The following PCDHGB2 variants were observed in gnomAD, a reference collection of about 807,000 sequenced individuals.
PCDHGB2 encodes protocadherin gamma subfamily B, 2, also known as protocadherin gamma-B2.
Under a neutral mutation model 59.3 loss-of-function variants are expected in PCDHGB2, and 55 were observed. The ratio of observed to expected loss-of-function variants is 0.93; its 90% CI spans 0.75 to 1.16. The LOEUF is 1.16. Ranked by LOEUF, PCDHGB2 falls within the 50% of genes most tolerant of loss-of-function variation. The pLI is 0.00. For missense variants in PCDHGB2, 1,228 were observed against 1,198.5 expected, an observed-to-expected ratio of 1.02 and a Z score of -0.36; for synonymous variants, 516 against 512.0, an observed-to-expected ratio of 1.01 and a Z score of -0.11.
intron 1 of PCDHGB2, among the ~76,000 whole-genome samples, chr5:141,407,809 T>C (rs2094984510): frequency 6.6e-6 from 1 of 152,228 alleles, no homozygotes; most frequent in South Asian, 2.1e-4. Flanking sequence ...TAGAAATATC[T>C]ACTATAATAT....
Position 141,362,337 on chromosome 5 carries a change from G to A in PCDHGB2, c.2202G>A (p.Lys734=), listed in dbSNP as rs1427946094. The A allele has an allele frequency of 1.2e-6, 2 of 1,614,084 alleles. No homozygotes were observed. Among genetic ancestry groups the A allele is most frequent in the East Asian group, 2.2e-5 (1 of 44,890 alleles). The part of the protein sequence containing the change: ...WDCFQPGLSS[K]PGPGVLPNYS... ...GTTTTCAGCCTGGTCTCAGCTCCAA[G>A]CCTGGACCTGGGGTTCTCCCCAATT... Residue 734 remains lysine (K), a synonymous_variant, in exon 1 of 4, where the codon AAG becomes AAA. Coordinates refer to ENST00000522605, the MANE Select transcript of PCDHGB2 (RefSeq NM_018923.3).
Position 141,415,384 on chromosome 5 carries a change from A to G in PCDHGB2, c.2421+52828A>G, listed in dbSNP as rs767664633. ...GCTGCAGGCTTCAGGAGGCGGCTTG[A>G]CAGGTGTGTCCGGCTCGCACTTTGT... On this transcript the variant is annotated intron_variant, in intron 1 of 3. Coordinates refer to ENST00000522605, the MANE Select transcript of PCDHGB2 (RefSeq NM_018923.3). 9.3e-6 allele frequency: 15 copies of G among 1,614,156 alleles called. No homozygotes were observed. The East Asian group carries it at 2.2e-4, about 24-fold the overall frequency.
intron 1 of PCDHGB2, chr5:141,416,916 T>A (rs751743318): frequency 5.5e-4 from 83 of 152,132 alleles, no homozygotes; most frequent in Non-Finnish European, 8.5e-4. Flanking sequence ...CTCTTTAGGG[T>A]CATAGTTATT....
intron 1 of PCDHGB2, chr5:141,403,178 T>C (rs1294905670): frequency 6.2e-7 from 1 of 1,613,980 alleles, no homozygotes; most frequent in Middle Eastern, 1.7e-4. Flanking sequence ...GCAGCTTTTC[T>C]CTCTGAACCC....
intron 2 of PCDHGB2, among the ~76,000 whole-genome samples, chr5:141,501,015 C>T (rs950216755): frequency 6.6e-5 from 10 of 151,866 alleles, no homozygotes; most frequent in African/African-American, 2.4e-4. Context: ...ACTACAGGCA[C>T]GCGCCACCAC....
rs764067454 is a variant in PCDHGB2 at position 141,413,998 on chromosome 5, G to C, written c.2421+51442G>C. On this transcript the variant is annotated intron_variant, in intron 1 of 3. Coordinates refer to ENST00000522605, the MANE Select transcript of PCDHGB2 (RefSeq NM_018923.3). Reference sequence around the variant, plus strand: ...GACAGTCACAGCCACCGACAGGGACGAAGGTGCCAATGGAGAAGTGACATA... The same window carrying C: ...GACAGTCACAGCCACCGACAGGGACCAAGGTGCCAATGGAGAAGTGACATA... 29 of 1,613,320 alleles carry C rather than the reference G, an allele frequency of 1.8e-5. No individual in the cohort carries two copies. The Admixed American group carries it at 4.8e-4, about 27-fold the overall frequency.
intron 1 of PCDHGB2, among the ~76,000 whole-genome samples, chr5:141,457,594 TA>T (rs1239366532): frequency 6.6e-6 from 1 of 152,250 alleles, no homozygotes; most frequent in Non-Finnish European, 1.5e-5. Flanking sequence ...TCATTTTTGG[TA>T]AAAACTAATT....
intron 1 of PCDHGB2, chr5:141,389,283 GC>G (rs775524674): frequency 6.2e-7 from 1 of 1,614,022 alleles, no homozygotes; most frequent in South Asian, 1.1e-5. Context: ...CCCGCCTGGA[GC>G]CTCTATTTCA....
At position 141,489,888 on chromosome 5, in the gene PCDHGB2, T is replaced by TG. The variant is rs759744295; in HGVS notation, c.2422-4913dup. On this transcript the variant is annotated intron_variant, in intron 1 of 3. Coordinates refer to ENST00000522605, the MANE Select transcript of PCDHGB2 (RefSeq NM_018923.3). The surrounding 1 kb of genome is among the most constrained non-coding windows in gnomAD (Gnocchi z 4.5). ...ATCAGCTGGTGCTTACTGCTGTGGATGGGGGGACCCCAGCCCGCTCAGGGA... is the reference window on the plus strand; with the variant it reads ...ATCAGCTGGTGCTTACTGCTGTGGATGGGGGGGACCCCAGCCCGCTCAGGGA... 6.4e-5 allele frequency: 103 copies of TG among 1,614,088 alleles called. No individual in the cohort carries two copies. Among genetic ancestry groups the TG allele is most frequent in the Non-Finnish European group, 8.6e-5 (101 of 1,180,048 alleles).
intron 1 of PCDHGB2, chr5:141,371,497 T>C: frequency 1.2e-6 from 2 of 1,613,908 alleles, no homozygotes; most frequent in South Asian, 2.2e-5. Context: ...GCCGTTGCCC[T>C]GATCAAAACA....
intron 1 of PCDHGB2, among the ~76,000 whole-genome samples, chr5:141,475,035 G>T (rs983190948): frequency 2.0e-5 from 3 of 152,132 alleles, no homozygotes. Context: ...GTGACTAAAG[G>T]CTTTGTATTT....
Position 141,431,583 on chromosome 5 carries a change from C to A in PCDHGB2, c.2422-63224C>A, listed in dbSNP as rs771534481. On this transcript the variant is annotated intron_variant, in intron 1 of 3. Transcript: ENST00000522605. The surrounding 1 kb of genome is among the most constrained non-coding windows in gnomAD (Gnocchi z 4.8). ...ACCGACCCTGACGAAGGAGTCAATGCGGAAGTGAGGTATTCCTTCCGGTAT... is the reference window on the plus strand; with the variant it reads ...ACCGACCCTGACGAAGGAGTCAATGAGGAAGTGAGGTATTCCTTCCGGTAT... The A allele has an allele frequency of 1.1e-5, 18 of 1,614,008 alleles. No individual in the cohort carries two copies. In the South Asian group the frequency reaches 1.2e-4, roughly 11 times the overall value.
chr5:141,390,429 T>C lies in PCDHGB2; in HGVS notation c.2421+27873T>C, dbSNP rs2092145009. On this transcript the variant is annotated intron_variant, in intron 1 of 3. Transcript: ENST00000522605. ...GTTGTAGTCAGTTAAAAAGCTGTCA[T>C]ATCATTCTACAAAGGAGGAGTAAAG... The C allele has an allele frequency of 6.0e-6, 6 of 1,008,304 alleles. No homozygotes were observed. The South Asian group carries it at 6.8e-5, about 11-fold the overall frequency. The allele number at this position is 1,008,304 out of a possible 1,614,324, so 62.5% of individuals were successfully genotyped here. A position where few individuals can be genotyped will look rare whatever the true frequency, so the allele number is the denominator to read the frequency against.
chr5:141,393,939 T>C (rs1488586975), intron 1 of PCDHGB2: 2 of 1,613,856 alleles, frequency 1.2e-6, no homozygotes, highest in Non-Finnish European at 8.5e-7. Context: ...TGACCAAGAC[T>C]CTGGAAAGAA....
chr5:141,414,227 T>C (rs771676386), intron 1 of PCDHGB2: 2 of 1,613,430 alleles, frequency 1.2e-6, no homozygotes, highest in Non-Finnish European at 1.7e-6. Flanking sequence ...AGTCCAGAGC[T>C]GACCATCACG....
intron 2 of PCDHGB2, 70 bp downstream of exon 2, chr5:141,494,935 G>T (rs1456805368): frequency 2.5e-6 from 4 of 1,612,364 alleles, no homozygotes; most frequent in African/African-American, 1.3e-5. Context: ...GGGAGGAGAT[G>T]GGGGAGGGCC....
At chr5:141,501,146 T>C (rs2299023) in intron 2 of PCDHGB2, among the ~76,000 whole-genome samples, 88,663 of 152,012 alleles carry the variant, frequency 0.58, 27,355 homozygotes, top group African/African-American at 0.78. Context: ...GGATTACAGG[T>C]GGGAGCCACC....
Position 141,410,082 on chromosome 5 carries a change from G to A in PCDHGB2, c.2421+47526G>A, listed in dbSNP as rs780485949. 1.6e-5 allele frequency: 25 copies of A among 1,612,386 alleles called. No individual in the cohort carries two copies. The Admixed American group carries it at 3.8e-4, about 25-fold the overall frequency. On this transcript the variant is annotated intron_variant, in intron 1 of 3. Transcript: ENST00000522605. ...CTGGGGCTGCGCACTGGGGAGGTGC[G>A]CACGGCTCGAGCCTTAGGCGACAGG... is the stretch of plus-strand genomic sequence containing the variant.
chr5:141,370,383 G>T, intron 1 of PCDHGB2: 2 of 1,533,714 alleles, frequency 1.3e-6, no homozygotes, highest in African/African-American at 1.4e-5. Flanking sequence ...AGGCAAAGGC[G>T]CAGAGAGCGG....
Sources: gnomAD v4.1 joint callset for allele counts (sites outside exome capture counted in the v4.1 genomes callset) on GRCh38, gnomAD v4.1.1 for gene constraint, Gnocchi (gnomAD v3.1) non-coding constraint, MANE v1.5 for transcripts, NCBI Gene and HGNC (gene_info 2026-07-23, HGNC 2026-07-21) for gene names.